Variants in RBFOX1 observed in about 807,000 individuals in gnomAD.
RBFOX1 encodes the protein RNA binding protein fox-1 homolog 1.
A neutral mutation model predicts 57.7 loss-of-function variants in RBFOX1; 8 were observed. That is an observed-to-expected ratio of 0.14 (90% CI 0.08 to 0.25). The LOEUF (loss-of-function observed/expected upper bound fraction) is 0.25, where lower values mean the gene tolerates loss of function less well. Among genes scored for constraint, RBFOX1 ranks in the 10% least tolerant of loss-of-function variants. The pLI is 1.00. For synonymous variants in RBFOX1, 326 were observed against 222.4 expected, an observed-to-expected ratio of 1.47 and a Z score of -4.15; for missense variants, 611 against 548.5, an observed-to-expected ratio of 1.11 and a Z score of -1.14.
At chr16:6,340,567 G>T (rs2084411014) in intron 2 of RBFOX1, among the ~76,000 whole-genome samples, 2 of 152,140 alleles carry the variant, frequency 1.3e-5, no homozygotes, top group Non-Finnish European at 2.9e-5. Context: ...GACCATGTAG[G>T]GTAACTTCCT....
intron 4 of RBFOX1, among the ~76,000 whole-genome samples, chr16:7,245,237 T>C (rs577122968): frequency 6.6e-6 from 1 of 152,344 alleles, no homozygotes; most frequent in South Asian, 2.1e-4. Flanking sequence ...CATATAGTTA[T>C]AGAATTCTAG....
chr16:5,749,957 T>G (rs1312246881), intron 3 of RBFOX1, among the ~76,000 whole-genome samples: 1 of 152,230 alleles, frequency 6.6e-6, no homozygotes, highest in East Asian at 1.9e-4. Context: ...TTTTAGAATT[T>G]TCAGCTTTTC....
At chr16:7,331,221 G>A (rs1243134349) in intron 4 of RBFOX1, among the ~76,000 whole-genome samples, 1 of 152,198 alleles carries the variant, frequency 6.6e-6, no homozygotes, top group African/African-American at 2.4e-5. Flanking sequence ...TTGACATTTG[G>A]ATTTAGAAAA....
intron 2 of RBFOX1, among the ~76,000 whole-genome samples, chr16:6,410,815 C>T (rs1202541623): frequency 6.6e-6 from 1 of 152,176 alleles, no homozygotes; most frequent in African/African-American, 2.4e-5. Context: ...AACAAACCTA[C>T]CTGGAAGTAG....
At chr16:6,792,404 G>T (rs376400193) in intron 3 of RBFOX1, among the ~76,000 whole-genome samples, 1 of 152,084 alleles carries the variant, frequency 6.6e-6, no homozygotes, top group Non-Finnish European at 1.5e-5. Context: ...TTTTGATTTA[G>T]CAAATAGGTA....
rs181751121 is a variant in RBFOX1 at position 5,932,653 on chromosome 16, A to G, written c.351+65318A>G. Among the ~76,000 whole-genome samples the G allele has an allele frequency of 4.6e-5, 7 of 152,356 alleles. No individual in the cohort carries two copies. The East Asian group carries it at 1.2e-3, about 25-fold the overall frequency. ...AAATTATGATTATAACATTAGATAT[A>G]TAAAATTAGGTCAGTTTCATCAATG... On this transcript the variant is annotated intron_variant, in intron 4 of 19. Coordinates refer to the RBFOX1 transcript ENST00000641259.
At chr16:6,986,806 T>C (rs547883077) in intron 3 of RBFOX1, among the ~76,000 whole-genome samples, 1 of 152,246 alleles carries the variant, frequency 6.6e-6, no homozygotes, top group South Asian at 2.1e-4. Flanking sequence ...CTGAACACGC[T>C]GTAGGGCAGG....
intron 1 of RBFOX1, among the ~76,000 whole-genome samples, chr16:6,164,726 C>G (rs377470383): frequency 1.3e-5 from 2 of 152,072 alleles, no homozygotes; most frequent in African/African-American, 2.4e-5. Flanking sequence ...GATCCACCCC[C>G]CTTGGCCTTC....
At chr16:6,507,495 A>T (rs1335447707) in intron 2 of RBFOX1, among the ~76,000 whole-genome samples, 5 of 105,070 alleles carry the variant, frequency 4.8e-5, no homozygotes, top group Non-Finnish European at 7.2e-5. Context: ...ACATAACAAG[A>T]CCCTATCTGT....
chr16:6,602,402 G>A (rs967685666), intron 2 of RBFOX1, among the ~76,000 whole-genome samples: 44 of 152,246 alleles, frequency 2.9e-4, no homozygotes, highest in Non-Finnish European at 3.4e-4. Flanking sequence ...ACAGCAAACC[G>A]TTTGTCTGAG....
rs113727120 is a variant in RBFOX1 at position 6,940,417 on chromosome 16, C to T, written c.-15-111640C>T. Among the ~76,000 whole-genome samples the T allele has an allele frequency of 7.6e-4, 116 of 152,292 alleles. 1 individual carries two copies. Among genetic ancestry groups the T allele is most frequent in the African/African-American group, 2.6e-3 (109 of 41,572 alleles). On this transcript the variant is annotated intron_variant, in intron 3 of 15. Coordinates refer to ENST00000550418, the MANE Select transcript of RBFOX1 (RefSeq NM_018723.4). Reference sequence around the variant, plus strand: ...CTTAACAATTCAGGAGCAGCTAAAGCTCCTTTAATCTTCTCTCTGTCCACA... The same window carrying T: ...CTTAACAATTCAGGAGCAGCTAAAGTTCCTTTAATCTTCTCTCTGTCCACA...
At chr16:5,809,676 C>T (rs999164627) in intron 3 of RBFOX1, among the ~76,000 whole-genome samples, 1 of 152,160 alleles carries the variant, frequency 6.6e-6, no homozygotes, top group Non-Finnish European at 1.5e-5. Context: ...CAGGAAACAA[C>T]AGGTGCTGGA....
chr16:6,190,227 G>T (rs1434594350), intron 1 of RBFOX1, among the ~76,000 whole-genome samples: 1 of 152,210 alleles, frequency 6.6e-6, no homozygotes, highest in African/African-American at 2.4e-5. Context: ...ATGAAGGGCA[G>T]TTATTTGAAT....
intron 4 of RBFOX1, among the ~76,000 whole-genome samples, chr16:5,872,344 A>C (rs2057494394): frequency 6.6e-6 from 1 of 152,238 alleles, no homozygotes; most frequent in Admixed American, 6.5e-5. Context: ...ACTGTAGTCA[A>C]GTTACTTAAC....
intron 3 of RBFOX1, among the ~76,000 whole-genome samples, chr16:5,846,465 G>A (rs1248730875): frequency 6.6e-6 from 1 of 152,160 alleles, no homozygotes; most frequent in Admixed American, 6.5e-5. Flanking sequence ...CACTGAGTGT[G>A]CCAACCATCT....
chr16:5,446,784 A>G (rs1344286125), intron 1 of RBFOX1, among the ~76,000 whole-genome samples: 1 of 152,102 alleles, frequency 6.6e-6, no homozygotes, highest in South Asian at 2.1e-4. Context: ...CCAAGATGAC[A>G]GTCTAGTTCT....
chr16:5,945,806 G>C (rs548603927), intron 4 of RBFOX1, among the ~76,000 whole-genome samples: 1 of 152,250 alleles, frequency 6.6e-6, no homozygotes, highest in East Asian at 1.9e-4. Flanking sequence ...TTCATATCCT[G>C]CTCAGACCAT....
At chr16:7,477,865 C>T (rs1161071179) in intron 4 of RBFOX1, among the ~76,000 whole-genome samples, 1 of 152,130 alleles carries the variant, frequency 6.6e-6, no homozygotes, top group Non-Finnish European at 1.5e-5. Context: ...TATCAGAGGG[C>T]TTTGCTAGGG....
At chr16:6,752,992 A>G (rs1380423622) in intron 3 of RBFOX1, among the ~76,000 whole-genome samples, 1 of 152,170 alleles carries the variant, frequency 6.6e-6, no homozygotes, top group East Asian at 1.9e-4. Flanking sequence ...CAAATGTGCA[A>G]ATTTCAAATA....
Sources: gnomAD v4.1 joint callset for allele counts (sites outside exome capture counted in the v4.1 genomes callset) on GRCh38, gnomAD v4.1.1 for gene constraint, MANE v1.5 for transcripts, NCBI Gene and HGNC (gene_info 2026-07-23, HGNC 2026-07-21) for gene names.